MATN2: variants seen among roughly 807,000 people sequenced by gnomAD.
MATN2 encodes the protein matrilin 2, also known as matrilin-2.
Under a neutral mutation model 103.2 loss-of-function variants are expected in MATN2, and 69 were observed. The ratio of observed to expected loss-of-function variants is 0.67; its 90% CI spans 0.55 to 0.82. MATN2 has a LOEUF of 0.82. Among genes scored for constraint, MATN2 ranks in the 40% least tolerant of loss-of-function variants. MATN2 has a pLI of 0.00. For missense variants in MATN2, 1,023 were observed against 1,211.5 expected, an observed-to-expected ratio of 0.84 and a Z score of 2.31; for synonymous variants, 429 against 450.2, an observed-to-expected ratio of 0.95 and a Z score of 0.60.
intron 1 of MATN2, among the ~76,000 whole-genome samples, chr8:97,870,593 C>G (rs1817860333): frequency 2.6e-5 from 4 of 152,170 alleles, no homozygotes; most frequent in African/African-American, 9.7e-5. Context: ...TAGGTGAGTT[C>G]CATGGCTTGT....
intron 5 of MATN2, among the ~76,000 whole-genome samples, chr8:97,973,497 T>G (rs111290997): frequency 6.6e-6 from 1 of 152,184 alleles, no homozygotes; most frequent in Non-Finnish European, 1.5e-5. Flanking sequence ...AAATGTATAC[T>G]TAGTAAAAAT....
chr8:97,927,398 G>T (rs1471156315), intron 2 of MATN2, among the ~76,000 whole-genome samples: 1 of 152,018 alleles, frequency 6.6e-6, no homozygotes, highest in Non-Finnish European at 1.5e-5. Flanking sequence ...AACCTCAGGT[G>T]ATCTGCCTGC....
chr8:98,026,105 G>T (rs149352339), intron 13 of MATN2, among the ~76,000 whole-genome samples: 5 of 146,706 alleles, frequency 3.4e-5, no homozygotes, highest in Admixed American at 6.9e-5. Context: ...CTTGAACCCA[G>T]GAAGTGGAGG....
intron 2 of MATN2, among the ~76,000 whole-genome samples, chr8:97,897,356 T>C (rs1198872026): frequency 1.3e-5 from 2 of 152,170 alleles, no homozygotes; most frequent in African/African-American, 4.8e-5. Flanking sequence ...AGCTGCAGAG[T>C]ATAAACTAAC....
intron 5 of MATN2, among the ~76,000 whole-genome samples, chr8:97,978,096 C>T (rs966359468): frequency 3.9e-5 from 6 of 152,174 alleles, no homozygotes; most frequent in African/African-American, 7.2e-5. Flanking sequence ...TCCAAATATA[C>T]GCTCCTTGGG....
chr8:98,021,128 A>G (rs1813574799), intron 12 of MATN2, 77 bp from the exon 13 acceptor site: 1 of 1,408,054 alleles, frequency 7.1e-7, no homozygotes, highest in African/African-American at 1.4e-5. Flanking sequence ...TACTTCCACA[A>G]TCTCTACTCA....
At chr8:98,033,204 G>C in intron 17 of MATN2, 28 bp downstream of exon 17, 1 of 1,566,552 alleles carries the variant, frequency 6.4e-7, no homozygotes, top group South Asian at 1.2e-5. Flanking sequence ...ATTACTATAA[G>C]ATAACTTGAT....
chr8:97,957,056 T>C (rs527463427), intron 4 of MATN2, among the ~76,000 whole-genome samples: 15 of 152,280 alleles, frequency 9.9e-5, no homozygotes, highest in Non-Finnish European at 2.1e-4. Context: ...TCCAATACCA[T>C]GGGATCAGTG....
At chr8:97,983,194 G>T (rs934851548) in intron 6 of MATN2, among the ~76,000 whole-genome samples, 1 of 152,164 alleles carries the variant, frequency 6.6e-6, no homozygotes, top group African/African-American at 2.4e-5. Flanking sequence ...GTTTATCTGT[G>T]TTGTAGTATA....
chr8:97,967,686 C>T (rs1652976147), intron 5 of MATN2, among the ~76,000 whole-genome samples: 1 of 152,212 alleles, frequency 6.6e-6, no homozygotes, highest in South Asian at 2.1e-4. Context: ...TGGCTCCGCC[C>T]CTGTGGTTGC....
intron 7 of MATN2, among the ~76,000 whole-genome samples, chr8:97,997,687 A>C (rs530178167): frequency 6.6e-6 from 1 of 152,300 alleles, no homozygotes; most frequent in East Asian, 1.9e-4. Flanking sequence ...TCCTCAATAA[A>C]TATTTAGTGA....
rs994714274 is a variant in MATN2, at chr8:97,894,335, T to C, written c.142+6093T>C. Among the ~76,000 whole-genome samples, 273 of 149,070 alleles carry C rather than the reference T, an allele frequency of 1.8e-3. 1 individual carries two copies. The highest frequency in any genetic ancestry group is 3.3e-3 in the Non-Finnish European group (222 of 67,090). Reference sequence around the variant, plus strand: ...TCTAAGAATTCACCTTTTTTTTTTTTTTTTTTTTTTTTTAGACAGGATCTT... The same window carrying C: ...TCTAAGAATTCACCTTTTTTTTTTTCTTTTTTTTTTTTTAGACAGGATCTT... On this transcript the variant is annotated intron_variant, in intron 2 of 18. Transcript: ENST00000254898.
intron 5 of MATN2, among the ~76,000 whole-genome samples, chr8:97,976,599 A>G (rs28722046): frequency 0.013 from 1,936 of 152,088 alleles, 46 homozygotes; most frequent in African/African-American, 0.044. Flanking sequence ...TTTCCTTGTT[A>G]TTATTTACAC....
chr8:97,942,733 T>C (rs940705021), intron 4 of MATN2, among the ~76,000 whole-genome samples: 2 of 152,256 alleles, frequency 1.3e-5, no homozygotes, highest in African/African-American at 4.8e-5. Context: ...ATTGTTGCAA[T>C]GTATAATTGT....
At chr8:97,943,424 T>G (rs962180945) in intron 4 of MATN2, among the ~76,000 whole-genome samples, 2 of 151,600 alleles carry the variant, frequency 1.3e-5, no homozygotes, top group Admixed American at 6.6e-5. Flanking sequence ...CTTCTCCTTC[T>G]CCTTCTCCTT....
At chr8:97,937,201 A>G (rs1297299291) in intron 3 of MATN2, among the ~76,000 whole-genome samples, 1 of 152,150 alleles carries the variant, frequency 6.6e-6, no homozygotes, top group African/African-American at 2.4e-5. Flanking sequence ...GAGTGAGACT[A>G]CCTCAGACCA....
At chr8:97,958,644 C>T (rs1811212698) in intron 4 of MATN2, among the ~76,000 whole-genome samples, 1 of 152,216 alleles carries the variant, frequency 6.6e-6, no homozygotes, top group Non-Finnish European at 1.5e-5. Context: ...CAGAAACCTA[C>T]TGCTGTTCCC....
intron 10 of MATN2, among the ~76,000 whole-genome samples, chr8:98,009,623 G>A (rs146251774): frequency 2.3e-4 from 35 of 152,326 alleles, no homozygotes; most frequent in South Asian, 6.2e-4. Context: ...CTGGCCTCTG[G>A]AGCGATGTCC....
intron 4 of MATN2, among the ~76,000 whole-genome samples, chr8:97,959,207 C>A (rs1405304905): frequency 6.6e-6 from 1 of 152,160 alleles, no homozygotes; most frequent in Non-Finnish European, 1.5e-5. Flanking sequence ...AGGACCTTTG[C>A]ATTCACTGTT....
Sources: gnomAD v4.1 joint callset for allele counts (sites outside exome capture counted in the v4.1 genomes callset) on GRCh38, gnomAD v4.1.1 for gene constraint, MANE v1.5 for transcripts, NCBI Gene and HGNC (gene_info 2026-07-23, HGNC 2026-07-21) for gene names.